CFAP47: variants seen among roughly 807,000 people sequenced by gnomAD.
The protein encoded by CFAP47 is cilia- and flagella-associated protein 47.
In CFAP47, 29 loss-of-function variants were observed where a neutral mutation model predicts 148.1. That is an observed-to-expected ratio of 0.20 (90% CI 0.15 to 0.27). The LOEUF is 0.27. CFAP47 is among the 10% of genes least tolerant of loss of function. CFAP47 has a pLI of 1.00. For synonymous variants in CFAP47, 664 were observed against 577.3 expected (o/e 1.15, Z -2.15); for missense variants, 1,872 against 1,697.5 (o/e 1.10, Z -1.81).
chrX:35,981,539 TATTTTA>T (rs925588997), intron 15 of CFAP47, among the ~76,000 whole-genome samples: 3 of 110,060 alleles, frequency 2.7e-5, no homozygotes, highest in Non-Finnish European at 5.7e-5. Context: ...TAAAAACTTT[TATTTTA>T]GGTTCAGGGG....
intron 56 of CFAP47, among the ~76,000 whole-genome samples, chrX:36,316,756 G>A (rs1192310208): frequency 9.0e-6 from 1 of 111,522 alleles, no homozygotes; most frequent in Non-Finnish European, 1.9e-5. Context: ...AACTCTTCAC[G>A]CAAGGAGACA....
At chrX:36,175,224 A>G (rs1226035745) in intron 39 of CFAP47, among the ~76,000 whole-genome samples, 1 of 111,088 alleles carries the variant, frequency 9.0e-6, no homozygotes, top group Non-Finnish European at 1.9e-5. Flanking sequence ...CAAAGCTTTC[A>G]ACTTCTTTGC....
chrX:36,359,914 C>A (rs963438833), intron 60 of CFAP47, among the ~76,000 whole-genome samples: 1 of 110,863 alleles, frequency 9.0e-6, no homozygotes, highest in African/African-American at 3.3e-5. Flanking sequence ...CCATGCCCAG[C>A]TAATTTTTTT....
chrX:36,312,467 C>CA (rs1386662745), intron 56 of CFAP47, among the ~76,000 whole-genome samples: 66 of 108,810 alleles, frequency 6.1e-4, no homozygotes, highest in African/African-American at 2.3e-4. Flanking sequence ...AGATATGCAC[C>CA]AAAAAAAATA....
At chrX:36,370,880 A>G (rs1175092680) in intron 62 of CFAP47, among the ~76,000 whole-genome samples, 1 of 111,341 alleles carries the variant, frequency 9.0e-6, no homozygotes, top group Non-Finnish European at 1.9e-5. Flanking sequence ...CCTAGTGACT[A>G]TACATTTTTC....
chrX:36,004,890 T>TA (rs1936963213), intron 21 of CFAP47, among the ~76,000 whole-genome samples: 1 of 111,632 alleles, frequency 9.0e-6, no homozygotes, highest in Non-Finnish European at 1.9e-5. Context: ...GTTAGAACTG[T>TA]AAAAAAATTA....
At chrX:36,369,474 G>A (rs782198813) in intron 62 of CFAP47, among the ~76,000 whole-genome samples, 2 of 110,289 alleles carry the variant, frequency 1.8e-5, no homozygotes, top group South Asian at 7.7e-4. Flanking sequence ...ATAGCAAATG[G>A]AATTATCCCC....
At chrX:35,986,003 T>C (rs1936709487) in intron 15 of CFAP47, 1 of 297,016 alleles carries the variant, frequency 3.4e-6, no homozygotes, top group Non-Finnish European at 6.6e-6. Context: ...ACAGAGCAAT[T>C]AAGGAAATTG....
In CFAP47 at chrX:36,241,172, G is replaced by A. The variant is rs782732726; in HGVS notation, c.7332+4313G>A. Among the ~76,000 whole-genome samples, 71 of 112,026 alleles carry A rather than the reference G, an allele frequency of 6.3e-4. 1 individual carries two copies. In the Admixed American group the frequency reaches 6.5e-3, roughly 10 times the overall value. Reference sequence around the variant, plus strand: ...AGCTTATTCTCACTGCAGACCTTTAGGATACCAGCTACAGAGGACTCCATG... The same window carrying A: ...AGCTTATTCTCACTGCAGACCTTTAAGATACCAGCTACAGAGGACTCCATG... On this transcript the variant is annotated intron_variant, in intron 48 of 63. Transcript: ENST00000378653.
At chrX:36,119,288 A>G (rs1297141931) in intron 33 of CFAP47, among the ~76,000 whole-genome samples, 1 of 111,994 alleles carries the variant, frequency 8.9e-6, no homozygotes, top group African/African-American at 3.2e-5. Flanking sequence ...GTTGAATTTT[A>G]TCAAATGCTT....
intron 1 of CFAP47, among the ~76,000 whole-genome samples, chrX:35,921,457 A>T (rs1174422272): frequency 8.9e-6 from 1 of 112,353 alleles, no homozygotes; most frequent in Non-Finnish European, 1.9e-5. Flanking sequence ...GTGTATCTGA[A>T]AATACTTTCT....
intron 53 of CFAP47, among the ~76,000 whole-genome samples, chrX:36,301,854 C>G (rs1569312631): frequency 9.0e-6 from 1 of 110,588 alleles, no homozygotes; most frequent in Admixed American, 9.8e-5. Context: ...TACTATTTAT[C>G]AAGTTTGGTG....
intron 49 of CFAP47, among the ~76,000 whole-genome samples, chrX:36,263,972 C>T (rs2146932576): frequency 9.0e-6 from 1 of 111,589 alleles, no homozygotes; most frequent in Admixed American, 9.5e-5. Flanking sequence ...CTTCAGTTAG[C>T]ACGTGATGAA....
chrX:36,064,283 A>G (rs187600522), intron 26 of CFAP47, among the ~76,000 whole-genome samples: 1,474 of 111,949 alleles, frequency 0.013, 20 homozygotes, highest in African/African-American at 0.045. Flanking sequence ...GGTAAAAATT[A>G]CATATAGATA....
chrX:35,923,932 T>C (rs1436428944), intron 1 of CFAP47, among the ~76,000 whole-genome samples: 1 of 68,179 alleles, frequency 1.5e-5, no homozygotes, highest in Non-Finnish European at 2.4e-5. Flanking sequence ...CATATATATG[T>C]GTATATATGT....
intron 11 of CFAP47, 80 bp from the exon 12 acceptor site, chrX:35,971,506 G>T: frequency 1.6e-6 from 1 of 641,239 alleles, no homozygotes; most frequent in Non-Finnish European, 2.3e-6. Flanking sequence ...TATGCACTAT[G>T]GGAAAGGCTT....
chrX:36,028,075 G>A (rs1177754923), intron 22 of CFAP47, among the ~76,000 whole-genome samples: 2 of 111,374 alleles, frequency 1.8e-5, no homozygotes, highest in Non-Finnish European at 3.8e-5. Flanking sequence ...CAGATGCATA[G>A]TTAATATTTT....
chrX:36,111,868 T>C (rs1409941883), intron 33 of CFAP47, among the ~76,000 whole-genome samples: 1 of 112,095 alleles, frequency 8.9e-6, no homozygotes, highest in East Asian at 2.8e-4. Context: ...TTTATCCATG[T>C]ATTCTAGATT....
intron 46 of CFAP47, among the ~76,000 whole-genome samples, chrX:36,231,241 T>A (rs1940352820): frequency 9.1e-6 from 1 of 110,099 alleles, no homozygotes; most frequent in Admixed American, 9.7e-5. Flanking sequence ...TTCCTACCCA[T>A]GAGCATGGAA....
Sources: allele counts gnomAD v4.1 joint callset (sites outside exome capture counted in the v4.1 genomes callset), GRCh38; gene constraint gnomAD v4.1.1; transcripts MANE v1.5; gene names NCBI Gene and HGNC (gene_info 2026-07-23, HGNC 2026-07-21).